The following AMN1 variants were observed in gnomAD, a reference collection of about 807,000 sequenced individuals.
AMN1 encodes protein AMN1 homolog.
AMN1 carries 20 observed loss-of-function variants against 33.0 expected under a neutral mutation model. That is an observed-to-expected ratio of 0.61 (90% CI 0.43 to 0.88). The LOEUF is 0.88. Among genes scored for constraint, AMN1 ranks in the 40% least tolerant of loss-of-function variants. The pLI is 0.00. For synonymous variants in AMN1, 114 were observed against 111.9 expected (o/e 1.02, Z -0.12); for missense variants, 246 against 307.4 (o/e 0.80, Z 1.49).
In AMN1 at chr12:31,697,775, G is replaced by C; in HGVS notation, c.499C>G (p.Pro167Ala). 6.2e-7 allele frequency: 1 copy of C among 1,613,938 alleles called. No homozygotes were observed. Among genetic ancestry groups the C allele is most frequent in the South Asian group, 1.1e-5 (1 of 91,082 alleles). The change falls in exon 4 of 7, where the codon CCA becomes GCA. Residue 167 changes from proline to alanine, a missense_variant. Transcript: ENST00000281471. ...VSLHALGKNCPFLQCVDFSAT... is the reference protein window; with the variant it reads ...VSLHALGKNCAFLQCVDFSAT... ...GAAAAGTCGACACACTGCAAAAATG[G>C]GCAGTTTTTTCCTAATGCATGTAAG...
chr12:31,695,865 A>T (rs1440085501), intron 5 of AMN1, among the ~76,000 whole-genome samples: 1 of 152,204 alleles, frequency 6.6e-6, no homozygotes, highest in African/African-American at 2.4e-5. Flanking sequence ...CACAAAAAAG[A>T]ATCTCTTTGG....
intron 6 of AMN1, among the ~76,000 whole-genome samples, chr12:31,680,867 T>C (rs948232609): frequency 1.3e-5 from 2 of 152,142 alleles, no homozygotes; most frequent in Admixed American, 1.3e-4. Flanking sequence ...GGAATCATGT[T>C]ATATAAGGTG....
chr12:31,716,743 C>T (rs905516965), intron 1 of AMN1, among the ~76,000 whole-genome samples: 6 of 152,120 alleles, frequency 3.9e-5, no homozygotes, highest in Admixed American at 3.9e-4. Context: ...TATGAACCTT[C>T]TGTTTGTTAT....
chr12:31,694,000 A>G (rs1938612914), intron 5 of AMN1, among the ~76,000 whole-genome samples: 1 of 152,170 alleles, frequency 6.6e-6, no homozygotes, highest in African/African-American at 2.4e-5. Context: ...AGGTCCTTAG[A>G]CCTTTAATCA....
intron 1 of AMN1, among the ~76,000 whole-genome samples, chr12:31,720,698 C>G (rs1379729001): frequency 6.6e-6 from 1 of 152,164 alleles, no homozygotes. Flanking sequence ...CTTCAATTAG[C>G]ATCATGTTTT....
rs578149876 is a variant in AMN1, at chr12:31,703,083, A to G, written c.172-1076T>C. Among the ~76,000 whole-genome samples, 31 of 151,768 alleles carry G rather than the reference A, an allele frequency of 2.0e-4. No homozygotes were observed. The South Asian group carries it at 4.6e-3, about 23-fold the overall frequency. ...CTCTCTCTCTCTCTTTCCACTGCCC[A>G]CCACCCCACTGCCCGCCCCCAAGGG... On this transcript the variant is annotated intron_variant, in intron 2 of 6. Coordinates refer to ENST00000281471, the MANE Select transcript of AMN1 (RefSeq NM_001113402.2).
intron 5 of AMN1, among the ~76,000 whole-genome samples, chr12:31,694,442 CAA>C (rs71062451): frequency 9.4e-5 from 11 of 116,750 alleles, no homozygotes; most frequent in Admixed American, 1.8e-4. Flanking sequence ...AACTCTGTCT[CAA>C]AAAAAAAAAA....
intron 6 of AMN1, among the ~76,000 whole-genome samples, chr12:31,677,048 C>T (rs973888638): frequency 2.0e-5 from 3 of 151,574 alleles, no homozygotes; most frequent in Non-Finnish European, 2.9e-5. Flanking sequence ...CCTGTAATCC[C>T]AGCACTTTGG....
chr12:31,725,788 T>C (rs1411545419), intron 1 of AMN1, among the ~76,000 whole-genome samples: 2 of 152,200 alleles, frequency 1.3e-5, no homozygotes, highest in Non-Finnish European at 2.9e-5. Context: ...CTCCGCCTCC[T>C]GGGTTCAAGC....
intron 2 of AMN1, among the ~76,000 whole-genome samples, chr12:31,708,025 C>T (rs1939315542): frequency 6.6e-6 from 1 of 152,084 alleles, no homozygotes; most frequent in Non-Finnish European, 1.5e-5. Flanking sequence ...ATTAACTGTA[C>T]AAATTGATTG....
chr12:31,706,301 G>C (rs1236036450), intron 2 of AMN1, among the ~76,000 whole-genome samples: 1 of 103,814 alleles, frequency 9.6e-6, no homozygotes, highest in Non-Finnish European at 1.8e-5. Context: ...GAAACAGCAA[G>C]ACTCCGTCTC....
intron 2 of AMN1, 150 bp from the exon 3 acceptor site, chr12:31,702,157 A>G: frequency 1.4e-6 from 1 of 730,850 alleles, no homozygotes; most frequent in Admixed American, 3.5e-5. Flanking sequence ...GCAGACAGAC[A>G]CACAAAGCAG....
At chr12:31,677,883 C>T (rs1937804298) in intron 6 of AMN1, among the ~76,000 whole-genome samples, 1 of 152,156 alleles carries the variant, frequency 6.6e-6, no homozygotes, top group African/African-American at 2.4e-5. Flanking sequence ...AGGAGCTGGC[C>T]ATAAAGAAAT....
chr12:31,674,383 G>C (rs1401582262), intron 6 of AMN1, among the ~76,000 whole-genome samples: 2 of 151,786 alleles, frequency 1.3e-5, no homozygotes, highest in African/African-American at 2.4e-5. Context: ...ACTCTTGCCT[G>C]GGTGACAGAG....
At chr12:31,691,524 A>G (rs1938500218) in intron 5 of AMN1, among the ~76,000 whole-genome samples, 1 of 152,162 alleles carries the variant, frequency 6.6e-6, no homozygotes, top group Non-Finnish European at 1.5e-5. Flanking sequence ...TTATCCAACT[A>G]TGCACATAAT....
chr12:31,683,294 T>G lies in AMN1; in HGVS notation c.703+5713A>C, dbSNP rs532792002. 1.3e-5 allele frequency among the ~76,000 whole-genome samples: 2 copies of G among 152,356 alleles called. No individual in the cohort carries two copies. Among genetic ancestry groups the G allele is most frequent in the South Asian group, 4.1e-4 (2 of 4,828 alleles). On this transcript the variant is annotated intron_variant, in intron 6 of 6. Coordinates refer to ENST00000281471, the MANE Select transcript of AMN1 (RefSeq NM_001113402.2). This position sits in a 1 kb window ranked among gnomAD's most constrained non-coding sequence, Gnocchi z 4.1. ...GATATGCTATTCTTGCTGCAAATGTTGAAGTTGACTGATAATTTTTCTTTA... is the reference window on the plus strand; with the variant it reads ...GATATGCTATTCTTGCTGCAAATGTGGAAGTTGACTGATAATTTTTCTTTA...
At chr12:31,677,224 T>C (rs1052536864) in intron 6 of AMN1, among the ~76,000 whole-genome samples, 7 of 151,942 alleles carry the variant, frequency 4.6e-5, no homozygotes, top group African/African-American at 1.7e-4. Context: ...GGCGTGAACC[T>C]GGGAGGCGGA....
intron 3 of AMN1, 104 bp downstream of exon 3, chr12:31,701,759 C>T: frequency 1.1e-6 from 1 of 947,776 alleles, no homozygotes. Context: ...TCATATTTCT[C>T]TGACTTCTTC....
intron 2 of AMN1, among the ~76,000 whole-genome samples, chr12:31,706,382 C>T (rs895003062): frequency 3.3e-5 from 5 of 151,460 alleles, no homozygotes; most frequent in African/African-American, 1.2e-4. Flanking sequence ...TCTTTTACCA[C>T]CATCCCACCA....
Sources: gnomAD v4.1 joint callset for allele counts (sites outside exome capture counted in the v4.1 genomes callset) on GRCh38, gnomAD v4.1.1 for gene constraint, Gnocchi (gnomAD v3.1) non-coding constraint, MANE v1.5 for transcripts, NCBI Gene and HGNC (gene_info 2026-07-23, HGNC 2026-07-21) for gene names.